BBOX1: variants seen among roughly 807,000 people sequenced by gnomAD.
The protein encoded by BBOX1 is gamma-butyrobetaine dioxygenase.
BBOX1 carries 35 observed loss-of-function variants against 41.6 expected under a neutral mutation model. The observed-to-expected ratio is 0.84, with a 90% CI of 0.64 to 1.11. BBOX1 has a LOEUF of 1.11. BBOX1 is among the 50% of genes most tolerant of loss of function. The pLI, the probability that BBOX1 is intolerant of heterozygous loss-of-function variation, is 0.00. For synonymous variants in BBOX1, 163 were observed against 154.7 expected (o/e 1.05, Z -0.40); for missense variants, 458 against 460.6 (o/e 0.99, Z 0.05).
At chr11:27,123,936 A>G (rs544898910) in intron 7 of BBOX1, among the ~76,000 whole-genome samples, 1 of 152,240 alleles carries the variant, frequency 6.6e-6, no homozygotes, top group East Asian at 1.9e-4. Context: ...CCTTCCTTTT[A>G]CTTCTTTCCC....
intron 5 of BBOX1, among the ~76,000 whole-genome samples, chr11:27,102,788 A>C (rs1437479086): frequency 6.6e-6 from 1 of 151,800 alleles, no homozygotes; most frequent in Non-Finnish European, 1.5e-5. Flanking sequence ...CAGCAGTTTT[A>C]AGGCCTTTAT....
At chr11:27,065,069 C>A (rs1007636069) in intron 4 of BBOX1, among the ~76,000 whole-genome samples, 1 of 152,136 alleles carries the variant, frequency 6.6e-6, no homozygotes, top group African/African-American at 2.4e-5. Flanking sequence ...CCATTGAGTT[C>A]TTGGGGAAGG....
chr11:27,092,546 A>T (rs1048383450), intron 4 of BBOX1, among the ~76,000 whole-genome samples: 1 of 152,008 alleles, frequency 6.6e-6, no homozygotes, highest in African/African-American at 2.4e-5. Context: ...TGAGAGAGCT[A>T]ACGGAAAGCA....
intron 2 of BBOX1, among the ~76,000 whole-genome samples, chr11:27,049,223 A>G (rs1481226457): frequency 6.6e-6 from 1 of 151,854 alleles, no homozygotes; most frequent in Non-Finnish European, 1.5e-5. Context: ...TCTTTTCTCC[A>G]TATTCTCACC....
chr11:27,127,717 C>T lies in BBOX1; in HGVS notation c.*264C>T, dbSNP rs1309277540. Reference sequence around the variant, plus strand: ...TTCTTTTGCCCATATATGAGTATCTCCAGAATGTCTACAAATAGTTTTTGT... The same window carrying T: ...TTCTTTTGCCCATATATGAGTATCTTCAGAATGTCTACAAATAGTTTTTGT... On this transcript the variant is annotated 3_prime_UTR_variant, in exon 9 of 9. Coordinates refer to ENST00000263182, the MANE Select transcript of BBOX1 (RefSeq NM_003986.3). 5.8e-6 allele frequency: 2 copies of T among 347,506 alleles called. No homozygotes were observed. Among genetic ancestry groups the T allele is most frequent in the African/African-American group, 4.3e-5 (2 of 46,612 alleles). 21.5% of individuals were successfully genotyped at this position (347,506 alleles called of 1,614,324 possible). A position where few individuals can be genotyped will look rare whatever the true frequency, so the allele number is the denominator to read the frequency against.
At chr11:27,070,122 G>A (rs1857399042) in intron 4 of BBOX1, among the ~76,000 whole-genome samples, 1 of 152,084 alleles carries the variant, frequency 6.6e-6, no homozygotes. Flanking sequence ...ACTGTGTTCT[G>A]AGAGGGTACT....
chr11:27,119,376 T>TG (rs1179804099), intron 6 of BBOX1, among the ~76,000 whole-genome samples: 1 of 152,028 alleles, frequency 6.6e-6, no homozygotes, highest in Non-Finnish European at 1.5e-5. Flanking sequence ...TTATCATGCC[T>TG]GCATCTATGT....
intron 5 of BBOX1, among the ~76,000 whole-genome samples, chr11:27,101,305 C>G (rs142801711): frequency 6.6e-6 from 1 of 152,212 alleles, no homozygotes; most frequent in Admixed American, 6.5e-5. Flanking sequence ...AAAATTATCA[C>G]CAACCATTTA....
At chr11:27,042,224 G>A (rs900977124) in intron 2 of BBOX1, among the ~76,000 whole-genome samples, 57 of 152,180 alleles carry the variant, frequency 3.7e-4, no homozygotes, top group Admixed American at 1.3e-3. Flanking sequence ...TTCCACTAAA[G>A]TGAAGCTAAA....
At chr11:27,087,841 A>G (rs1453281502) in intron 4 of BBOX1, among the ~76,000 whole-genome samples, 1 of 152,056 alleles carries the variant, frequency 6.6e-6, no homozygotes, top group Non-Finnish European at 1.5e-5. Context: ...ACAGAGAGCT[A>G]TGGTTGAAAA....
At chr11:27,105,294 C>T (rs1841787117) in intron 5 of BBOX1, among the ~76,000 whole-genome samples, 1 of 152,074 alleles carries the variant, frequency 6.6e-6, no homozygotes, top group Non-Finnish European at 1.5e-5. Flanking sequence ...CTTCTCCGAG[C>T]TAAATAAAGG....
chr11:27,043,416 C>A lies in BBOX1; in HGVS notation c.-39+1938C>A, dbSNP rs540497835. ...TGCTGGGGTACATGTGCAGAATGTG[C>A]ACGTTTGGGGTACATGTGCAGAATG... On this transcript the variant is annotated intron_variant, in intron 2 of 8. Transcript: ENST00000263182. 4.1e-4 allele frequency among the ~76,000 whole-genome samples: 62 copies of A among 151,442 alleles called. 1 individual carries two copies. Among genetic ancestry groups the A allele is most frequent in the African/African-American group, 1.4e-3 (58 of 41,278 alleles).
At chr11:27,084,514 T>C (rs1056858523) in intron 4 of BBOX1, among the ~76,000 whole-genome samples, 3 of 152,156 alleles carry the variant, frequency 2.0e-5, no homozygotes, top group African/African-American at 7.2e-5. Context: ...TGTTTTCCAC[T>C]AAGCTGCCTT....
At chr11:27,070,554 CT>C (rs1433786770) in intron 4 of BBOX1, among the ~76,000 whole-genome samples, 3 of 151,984 alleles carry the variant, frequency 2.0e-5, no homozygotes, top group Non-Finnish European at 2.9e-5. Context: ...GCTTTAAAGT[CT>C]GTTTAATCTG....
At chr11:27,075,086 T>G (rs866050194) in intron 4 of BBOX1, among the ~76,000 whole-genome samples, 20 of 152,344 alleles carry the variant, frequency 1.3e-4, no homozygotes, top group Middle Eastern at 3.4e-3. Context: ...TCCTTCTCAT[T>G]TGGATAGACT....
intron 5 of BBOX1, among the ~76,000 whole-genome samples, chr11:27,112,181 A>C (rs1488536660): frequency 1.3e-5 from 2 of 152,006 alleles, no homozygotes; most frequent in African/African-American, 4.8e-5. Flanking sequence ...TAAGGAGCAC[A>C]GCTTGAAGGA....
chr11:27,102,684 T>C (rs1858705247), intron 5 of BBOX1, among the ~76,000 whole-genome samples: 1 of 152,132 alleles, frequency 6.6e-6, no homozygotes. Context: ...TAGCTCAATG[T>C]ATCTATTCAT....
chr11:27,055,978 C>T (rs1856967959), intron 3 of BBOX1, among the ~76,000 whole-genome samples: 1 of 152,138 alleles, frequency 6.6e-6, no homozygotes, highest in African/African-American at 2.4e-5. Context: ...AGCCACCATT[C>T]CATGTTTCTC....
chr11:27,091,102 A>G (rs1029334563), intron 4 of BBOX1, among the ~76,000 whole-genome samples: 20 of 152,134 alleles, frequency 1.3e-4, no homozygotes, highest in African/African-American at 4.8e-4. Context: ...AAGAAATTAT[A>G]AAAGTATTAT....
Sources: gnomAD v4.1 joint callset for allele counts (sites outside exome capture counted in the v4.1 genomes callset) on GRCh38, gnomAD v4.1.1 for gene constraint, MANE v1.5 for transcripts, NCBI Gene and HGNC (gene_info 2026-07-23, HGNC 2026-07-21) for gene names.